Variants in SLC24A2 observed in about 807,000 individuals in gnomAD.
SLC24A2 encodes sodium/potassium/calcium exchanger 2.
SLC24A2 carries 36 observed loss-of-function variants against 62.0 expected under a neutral mutation model. That is an observed-to-expected ratio of 0.58 (90% CI 0.44 to 0.77). The LOEUF (loss-of-function observed/expected upper bound fraction) is 0.77. SLC24A2 is among the 30% of genes least tolerant of loss of function. The pLI, the probability that SLC24A2 is intolerant of heterozygous loss-of-function variation, is 0.00. For synonymous variants in SLC24A2, 358 were observed against 294.0 expected (o/e 1.22, Z -2.23); for missense variants, 846 against 817.9 (o/e 1.03, Z -0.42).
At chr9:19,851,021 ATACATAT>A in the SLC24A2 span, among the ~76,000 whole-genome samples, 1 of 62,924 alleles carries the variant, frequency 1.6e-5, no homozygotes, top group Non-Finnish European at 3.1e-5. Flanking sequence ...ATATATATAT[ATACATAT>A]TTTTTTTTTT....
chr9:19,917,643 T>C, the SLC24A2 span, among the ~76,000 whole-genome samples: 1 of 152,060 alleles, frequency 6.6e-6, no homozygotes, highest in Non-Finnish European at 1.5e-5. Flanking sequence ...TAGAAACCTT[T>C]TGTTGTTTTT....
chr9:19,756,397 T>C (rs1266752769), intron 2 of SLC24A2, among the ~76,000 whole-genome samples: 1 of 152,190 alleles, frequency 6.6e-6, no homozygotes, highest in Non-Finnish European at 1.5e-5. Flanking sequence ...TTTGTGGTGA[T>C]TCTTTGCAAA....
At chr9:19,905,879 G>C in the SLC24A2 span, among the ~76,000 whole-genome samples, 2 of 152,130 alleles carry the variant, frequency 1.3e-5, no homozygotes, top group Non-Finnish European at 2.9e-5. Context: ...TGAAACTCAA[G>C]AGAATTTAAC....
At chr9:19,648,475 G>C (rs1041380663) in intron 2 of SLC24A2, among the ~76,000 whole-genome samples, 2 of 152,116 alleles carry the variant, frequency 1.3e-5, no homozygotes, top group African/African-American at 4.8e-5. Flanking sequence ...GTAAGAAAAA[G>C]AATCAATTTG....
intron 7 of SLC24A2, among the ~76,000 whole-genome samples, chr9:19,567,690 C>CAAAAA (rs113815958): frequency 3.5e-5 from 5 of 142,528 alleles, no homozygotes; most frequent in East Asian, 4.0e-4. Flanking sequence ...TTAAAATAAC[C>CAAAAA]AAAAAAAAAA....
the SLC24A2 span, among the ~76,000 whole-genome samples, chr9:20,234,872 C>G: frequency 6.6e-6 from 1 of 152,118 alleles, no homozygotes; most frequent in Non-Finnish European, 1.5e-5. Flanking sequence ...TACCTTTGGT[C>G]TTTGATGATG....
the SLC24A2 span, among the ~76,000 whole-genome samples, chr9:20,102,514 AC>A: frequency 6.6e-6 from 1 of 151,914 alleles, no homozygotes; most frequent in African/African-American, 2.4e-5. Flanking sequence ...GGAAGGGGAC[AC>A]ACAGCATAAG....
the SLC24A2 span, among the ~76,000 whole-genome samples, chr9:19,962,295 C>T: frequency 1.2e-4 from 19 of 152,202 alleles, no homozygotes; most frequent in African/African-American, 3.6e-4. Context: ...AGTCAGGTAG[C>T]GTGATGCCTC....
intron 2 of SLC24A2, among the ~76,000 whole-genome samples, chr9:19,676,550 C>T (rs923168173): frequency 6.6e-6 from 1 of 152,124 alleles, no homozygotes; most frequent in Non-Finnish European, 1.5e-5. Context: ...ACAATGGAGG[C>T]ACTTTTTTTC....
the SLC24A2 span, among the ~76,000 whole-genome samples, chr9:20,243,452 T>C: frequency 6.6e-6 from 1 of 152,200 alleles, no homozygotes; most frequent in African/African-American, 2.4e-5. Context: ...ATACTGTTTG[T>C]GGATACATAT....
chr9:20,266,545 T>C, the SLC24A2 span, among the ~76,000 whole-genome samples: 1 of 152,200 alleles, frequency 6.6e-6, no homozygotes, highest in East Asian at 1.9e-4. Context: ...TCAGTAATTT[T>C]TTTTTTTGGC....
At chr9:19,650,931 A>G (rs979122039) in intron 2 of SLC24A2, among the ~76,000 whole-genome samples, 2 of 152,080 alleles carry the variant, frequency 1.3e-5, no homozygotes, top group African/African-American at 4.8e-5. Flanking sequence ...GAAGTGGAGA[A>G]GTATGTCTTT....
the SLC24A2 span, among the ~76,000 whole-genome samples, chr9:20,154,249 T>G: frequency 6.6e-6 from 1 of 151,892 alleles, no homozygotes; most frequent in African/African-American, 2.4e-5. Flanking sequence ...AAAATCAAAC[T>G]ATTTGATGCC....
the SLC24A2 span, among the ~76,000 whole-genome samples, chr9:19,915,117 T>C: frequency 2.0e-5 from 3 of 152,136 alleles, no homozygotes; most frequent in African/African-American, 7.2e-5. Flanking sequence ...TACCTGCCCT[T>C]GGCAACTACT....
chr9:20,103,582 C>T, the SLC24A2 span, among the ~76,000 whole-genome samples: 5 of 152,196 alleles, frequency 3.3e-5, no homozygotes, highest in Non-Finnish European at 7.3e-5. Context: ...GATTCCCAGG[C>T]AAACAGGGTC....
At chr9:19,538,586 T>A (rs1188809438) in intron 8 of SLC24A2, among the ~76,000 whole-genome samples, 1 of 31,342 alleles carries the variant, frequency 3.2e-5, no homozygotes, top group Non-Finnish European at 5.3e-5. Flanking sequence ...CTTTTTGATG[T>A]GCTGCTGGAT....
chr9:20,190,093 T>C, the SLC24A2 span, among the ~76,000 whole-genome samples: 940 of 152,322 alleles, frequency 6.2e-3, 6 homozygotes, highest in African/African-American at 0.011. Context: ...AGAGTTTGCA[T>C]TGGTTCATAG....
the SLC24A2 span, among the ~76,000 whole-genome samples, chr9:20,194,075 A>G: frequency 6.6e-6 from 1 of 152,058 alleles, no homozygotes; most frequent in South Asian, 2.1e-4. Flanking sequence ...AAAAAGATTG[A>G]GCTGGGTTTT....
At chr9:20,262,605 G>T in the SLC24A2 span, among the ~76,000 whole-genome samples, 1 of 152,144 alleles carries the variant, frequency 6.6e-6, no homozygotes, top group Non-Finnish European at 1.5e-5. Context: ...TCTACAACTG[G>T]GGAGGTGCTT....
Sources: gnomAD v4.1 joint callset for allele counts (sites outside exome capture counted in the v4.1 genomes callset) on GRCh38, gnomAD v4.1.1 for gene constraint, MANE v1.5 for transcripts, NCBI Gene and HGNC (gene_info 2026-07-23, HGNC 2026-07-21) for gene names.